The following ZNF385D variants were observed in gnomAD, a reference collection of about 807,000 sequenced individuals.
ZNF385D encodes the protein zinc finger protein 385D.
Under a neutral mutation model 35.8 loss-of-function variants are expected in ZNF385D, and 15 were observed. The observed-to-expected ratio is 0.42, with a 90% CI of 0.28 to 0.64. The LOEUF (loss-of-function observed/expected upper bound fraction) is 0.64. ZNF385D is among the 30% of genes least tolerant of loss of function. The pLI, the probability that ZNF385D is intolerant of heterozygous loss-of-function variation, is 0.23. For missense variants in ZNF385D, 474 were observed against 494.6 expected (o/e 0.96, Z 0.39); for synonymous variants, 212 against 186.8 (o/e 1.13, Z -1.10).
chr3:22,334,167 T>C (rs766842781), intron 2 of ZNF385D, among the ~76,000 whole-genome samples: 33 of 152,322 alleles, frequency 2.2e-4, no homozygotes, highest in Non-Finnish European at 3.2e-4. Context: ...TCCACTGATA[T>C]ATTTAGGCTT....
chr3:22,253,475 TAG>T (rs1700163213), intron 2 of ZNF385D, among the ~76,000 whole-genome samples: 1 of 151,954 alleles, frequency 6.6e-6, no homozygotes, highest in African/African-American at 2.4e-5. Flanking sequence ...TTATGAAGAT[TAG>T]AGAGTTTTCA....
At chr3:21,432,270 T>C (rs1701326188) in intron 5 of ZNF385D, among the ~76,000 whole-genome samples, 1 of 152,206 alleles carries the variant, frequency 6.6e-6, no homozygotes, top group Non-Finnish European at 1.5e-5. Flanking sequence ...ATCAATCTTA[T>C]CCTTCTTTTT....
chr3:21,608,023 GT>G (rs572518584), intron 2 of ZNF385D, among the ~76,000 whole-genome samples: 13 of 120,218 alleles, frequency 1.1e-4, no homozygotes, highest in East Asian at 2.6e-4. Context: ...TTTTTTTTTT[GT>G]TTTTTTTTTT....
chr3:22,231,601 C>T (rs1436083459), intron 2 of ZNF385D, among the ~76,000 whole-genome samples: 2 of 152,084 alleles, frequency 1.3e-5, no homozygotes, highest in African/African-American at 4.8e-5. Context: ...TTTACCTCTT[C>T]CCTTCCTTAT....
rs144685274 is a variant in ZNF385D at position 22,080,077 on chromosome 3, T to C, written c.325+88740A>G. Reference sequence around the variant, plus strand: ...CCTATGTTAATGAAGACACAAAATGTTCAGGGATCGTTTTATAAGATGTTT... The same window carrying C: ...CCTATGTTAATGAAGACACAAAATGCTCAGGGATCGTTTTATAAGATGTTT... On this transcript the variant is annotated intron_variant, in intron 3 of 5. Transcript: ENST00000494108. Among the ~76,000 whole-genome samples, 26 of 152,278 alleles carry C rather than the reference T, an allele frequency of 1.7e-4. No homozygotes were observed. In the East Asian group the frequency reaches 4.8e-3, roughly 28 times the overall value.
chr3:21,717,615 C>T lies in ZNF385D; in HGVS notation c.22+33280G>A, dbSNP rs1044529608. 6.6e-5 allele frequency among the ~76,000 whole-genome samples: 10 copies of T among 152,272 alleles called. No individual in the cohort carries two copies. The South Asian group carries it at 8.3e-4, about 13-fold the overall frequency. On this transcript the variant is annotated intron_variant, in intron 1 of 7. Coordinates refer to ENST00000281523, the MANE Select transcript of ZNF385D (RefSeq NM_024697.3). ...TAAATTGTAGCTCTCATAATTCCCA[C>T]GTGGAGGGATCCAGTGGGAGATAAT...
chr3:22,050,428 T>TA (rs1699280509), intron 3 of ZNF385D, among the ~76,000 whole-genome samples: 1 of 152,216 alleles, frequency 6.6e-6, no homozygotes, highest in African/African-American at 2.4e-5. Context: ...ACATAAATTT[T>TA]AAAAAATGTT....
chr3:22,291,965 T>G (rs1702323317), intron 2 of ZNF385D, among the ~76,000 whole-genome samples: 1 of 152,044 alleles, frequency 6.6e-6, no homozygotes, highest in Admixed American at 6.6e-5. Flanking sequence ...TCATATAATC[T>G]AGAACTGGTT....
chr3:21,461,170 T>C (rs1388567337), intron 4 of ZNF385D, among the ~76,000 whole-genome samples: 2 of 152,230 alleles, frequency 1.3e-5, no homozygotes, highest in Non-Finnish European at 2.9e-5. Flanking sequence ...GAAAACTCTC[T>C]GCCTTTCATC....
intron 1 of ZNF385D, among the ~76,000 whole-genome samples, chr3:21,729,372 G>C (rs1417793883): frequency 6.6e-6 from 1 of 152,068 alleles, no homozygotes; most frequent in African/African-American, 2.4e-5. Flanking sequence ...TTAAGATTAA[G>C]AAGCAACATT....
intron 4 of ZNF385D, among the ~76,000 whole-genome samples, chr3:21,462,513 C>T (rs930283440): frequency 6.6e-6 from 1 of 152,046 alleles, no homozygotes; most frequent in African/African-American, 2.4e-5. Flanking sequence ...TAAAAGTTGA[C>T]ATTAAAATAT....
chr3:21,916,694 A>T (rs1700207175), intron 3 of ZNF385D, among the ~76,000 whole-genome samples: 1 of 152,240 alleles, frequency 6.6e-6, no homozygotes, highest in South Asian at 2.1e-4. Context: ...GAATTAATTC[A>T]TACTAAATTT....
At chr3:22,151,037 A>G (rs560182956) in intron 3 of ZNF385D, among the ~76,000 whole-genome samples, 1 of 152,244 alleles carries the variant, frequency 6.6e-6, no homozygotes, top group African/African-American at 2.4e-5. Context: ...ATAAAATAAA[A>G]TCTTCTTTTT....
intron 3 of ZNF385D, among the ~76,000 whole-genome samples, chr3:22,023,798 A>G (rs1466314066): frequency 3.3e-5 from 5 of 152,104 alleles, no homozygotes; most frequent in African/African-American, 4.8e-5. Flanking sequence ...GTCAAAGGCC[A>G]AAAGCAAGAA....
At chr3:21,610,135 C>T (rs912992671) in intron 2 of ZNF385D, among the ~76,000 whole-genome samples, 1 of 110,144 alleles carries the variant, frequency 9.1e-6, no homozygotes, top group African/African-American at 4.2e-5. Flanking sequence ...AGGCAACAGT[C>T]GCATCTACCA....
At chr3:21,623,814 C>T (rs61632614) in intron 2 of ZNF385D, among the ~76,000 whole-genome samples, 14,585 of 152,068 alleles carry the variant, frequency 0.096, 918 homozygotes, top group East Asian at 0.14. Flanking sequence ...GATTTTAAAT[C>T]ATTTTCCCCC....
At chr3:21,855,672 A>AC (rs1488336016) in intron 3 of ZNF385D, among the ~76,000 whole-genome samples, 1 of 151,994 alleles carries the variant, frequency 6.6e-6, no homozygotes, top group African/African-American at 2.4e-5. Flanking sequence ...CATTTAGTCT[A>AC]CCCCCAAAAT....
intron 2 of ZNF385D, among the ~76,000 whole-genome samples, chr3:21,575,373 A>G (rs886835795): frequency 3.3e-5 from 5 of 152,170 alleles, no homozygotes; most frequent in African/African-American, 1.2e-4. Context: ...TCATTTAACA[A>G]ATAAATTCAT....
At chr3:21,752,482 T>C (rs942916522), upstream of ZNF385D, among the ~76,000 whole-genome samples, 3 of 152,196 alleles carry the variant, frequency 2.0e-5, no homozygotes, top group African/African-American at 7.2e-5. Flanking sequence ...GTGGATTTAA[T>C]GTGCATAGAA....
Sources: allele counts gnomAD v4.1 joint callset (sites outside exome capture counted in the v4.1 genomes callset), GRCh38; gene constraint gnomAD v4.1.1; transcripts MANE v1.5; gene names NCBI Gene and HGNC (gene_info 2026-07-23, HGNC 2026-07-21).